Variants in MTHFD2L observed in about 807,000 individuals in gnomAD.
MTHFD2L encodes bifunctional methylenetetrahydrofolate dehydrogenase/cyclohydrolase 2, mitochondrial.
In MTHFD2L, 29 loss-of-function variants were observed where a neutral mutation model predicts 34.9. The ratio of observed to expected loss-of-function variants is 0.83; its 90% CI spans 0.62 to 1.13. MTHFD2L has a LOEUF of 1.13. MTHFD2L is among the 50% of genes most tolerant of loss of function. MTHFD2L has a pLI of 0.00. For missense variants in MTHFD2L, 481 were observed against 446.5 expected (o/e 1.08, Z -0.70); for synonymous variants, 167 against 155.7 (o/e 1.07, Z -0.54).
chr4:74,297,594 A>G (rs1191112672), intron 7 of MTHFD2L, among the ~76,000 whole-genome samples: 4 of 152,044 alleles, frequency 2.6e-5, no homozygotes, highest in Non-Finnish European at 5.9e-5. Context: ...CCTACACATA[A>G]TAGGATTAAT....
At chr4:74,247,948 G>A (rs546701971) in intron 6 of MTHFD2L, among the ~76,000 whole-genome samples, 1 of 151,858 alleles carries the variant, frequency 6.6e-6, no homozygotes, top group African/African-American at 2.4e-5. Context: ...TCTCTTTTTT[G>A]GTTGTGTCTC....
At chr4:74,158,910 TACC>T (rs1724794888) in intron 1 of MTHFD2L, among the ~76,000 whole-genome samples, 1 of 152,164 alleles carries the variant, frequency 6.6e-6, no homozygotes, top group Non-Finnish European at 1.5e-5. Context: ...TCTTATGCTT[TACC>T]AGTCTTAGTT....
chr4:74,211,440 A>G lies in MTHFD2L; in HGVS notation c.712+10070A>G, dbSNP rs192419293. 9.8e-5 allele frequency among the ~76,000 whole-genome samples: 15 copies of G among 152,314 alleles called. No individual in the cohort carries two copies. The East Asian group carries it at 2.7e-3, about 27-fold the overall frequency. On this transcript the variant is annotated intron_variant, in intron 5 of 7. Transcript: ENST00000325278. ...GGCCTTTTCCGCATCTATTGAGATA[A>G]TCATGTGGTTTTTGTCTTTGGTTCT...
Position 74,249,606 on chromosome 4 carries a change from C to T in MTHFD2L, c.805+24212C>T, listed in dbSNP as rs181225875. Reference sequence around the variant, plus strand: ...GTCTTTACATTTTGGCATGATTTTGCAGCAGTTGGTACCTGTTGTGCCTTT... The same window carrying T: ...GTCTTTACATTTTGGCATGATTTTGTAGCAGTTGGTACCTGTTGTGCCTTT... On this transcript the variant is annotated intron_variant, in intron 6 of 7. Transcript: ENST00000325278. Among the ~76,000 whole-genome samples the T allele has an allele frequency of 1.7e-4, 26 of 152,252 alleles. No individual in the cohort carries two copies. In the East Asian group the frequency reaches 4.8e-3, roughly 28 times the overall value.
rs576030806 is a variant in MTHFD2L at position 74,296,161 on chromosome 4, G to C, written c.932-5536G>C. On this transcript the variant is annotated intron_variant, in intron 7 of 7. Transcript: ENST00000325278. ...CAGTGACTAATTGAATATAGGGCTAGAACATGATGCAAAATAAAGATGTTG... is the reference window on the plus strand; with the variant it reads ...CAGTGACTAATTGAATATAGGGCTACAACATGATGCAAAATAAAGATGTTG... Among the ~76,000 whole-genome samples, 58 of 152,230 alleles carry C rather than the reference G, an allele frequency of 3.8e-4. 2 individuals carry two copies. The South Asian group carries it at 0.011, about 29-fold the overall frequency.
intron 1 of MTHFD2L, among the ~76,000 whole-genome samples, chr4:74,151,289 G>GA (rs1405292964): frequency 6.6e-6 from 1 of 152,002 alleles, no homozygotes; most frequent in African/African-American, 2.4e-5. Flanking sequence ...CCATTCATTG[G>GA]AAAATTAAAA....
At chr4:74,148,093 T>C (rs1208255172) in intron 1 of MTHFD2L, among the ~76,000 whole-genome samples, 2 of 152,136 alleles carry the variant, frequency 1.3e-5, no homozygotes, top group African/African-American at 4.8e-5. Context: ...GATATCCAGT[T>C]TTCCTAACAC....
At chr4:74,213,799 G>A (rs1220857118) in intron 5 of MTHFD2L, among the ~76,000 whole-genome samples, 1 of 152,150 alleles carries the variant, frequency 6.6e-6, no homozygotes, top group East Asian at 1.9e-4. Flanking sequence ...CCTGAAGAGT[G>A]TTTTCCAACT....
intron 6 of MTHFD2L, among the ~76,000 whole-genome samples, chr4:74,261,305 G>A (rs188964759): frequency 8.0e-4 from 122 of 151,840 alleles, no homozygotes; most frequent in Non-Finnish European, 1.5e-3. Context: ...CAATAACAAC[G>A]TAAATGTAGG....
At chr4:74,262,912 G>T (rs1744851617) in intron 6 of MTHFD2L, among the ~76,000 whole-genome samples, 1 of 151,866 alleles carries the variant, frequency 6.6e-6, no homozygotes, top group Non-Finnish European at 1.5e-5. Flanking sequence ...TCAGAAATCT[G>T]TATTACAGCT....
chr4:74,218,950 T>A (rs1737677634), intron 5 of MTHFD2L, among the ~76,000 whole-genome samples: 1 of 151,910 alleles, frequency 6.6e-6, no homozygotes, highest in South Asian at 2.1e-4. Flanking sequence ...CTATCTATGA[T>A]TAAAAATATT....
chr4:74,281,318 C>T (rs2110277333), intron 6 of MTHFD2L, 107 bp from the exon 7 acceptor site: 4 of 763,100 alleles, frequency 5.2e-6, no homozygotes, highest in Middle Eastern at 4.0e-4. Context: ...CAATGTATTA[C>T]ACATACGTGT....
intron 5 of MTHFD2L, among the ~76,000 whole-genome samples, chr4:74,211,815 G>GT (rs1163579080): frequency 1.3e-3 from 193 of 146,010 alleles, no homozygotes; most frequent in African/African-American, 2.3e-3. Context: ...ATCTGGTCCT[G>GT]TTTTTTTTTT....
chr4:74,246,008 G>A (rs1742385483), intron 6 of MTHFD2L, among the ~76,000 whole-genome samples: 2 of 147,182 alleles, frequency 1.4e-5, no homozygotes, highest in African/African-American at 5.2e-5. Flanking sequence ...TGGGATGGCT[G>A]GGTCAAATGG....
chr4:74,271,078 G>C (rs950778566), intron 6 of MTHFD2L, among the ~76,000 whole-genome samples: 1 of 152,142 alleles, frequency 6.6e-6, no homozygotes, highest in Non-Finnish European at 1.5e-5. Context: ...TTAGCCCTTT[G>C]TCAGATGAGT....
chr4:74,120,652 G>A (rs1384641936), upstream of MTHFD2L, among the ~76,000 whole-genome samples: 4 of 152,140 alleles, frequency 2.6e-5, no homozygotes, highest in Non-Finnish European at 5.9e-5. Flanking sequence ...TGTTTTGCAA[G>A]GTGTGATTAA....
chr4:74,260,164 C>T (rs1229386809), intron 6 of MTHFD2L, among the ~76,000 whole-genome samples: 1 of 152,144 alleles, frequency 6.6e-6, no homozygotes, highest in Non-Finnish European at 1.5e-5. Flanking sequence ...AGCTAGCATC[C>T]CACAGGTCTG....
At chr4:74,163,050 GT>G (rs1484066704) in intron 1 of MTHFD2L, among the ~76,000 whole-genome samples, 23 of 144,202 alleles carry the variant, frequency 1.6e-4, no homozygotes, top group African/African-American at 5.9e-4. Flanking sequence ...TGGATTGGAG[GT>G]TACTAACTTC....
chr4:74,158,561 A>G (rs976023193), intron 1 of MTHFD2L, among the ~76,000 whole-genome samples: 1 of 152,184 alleles, frequency 6.6e-6, no homozygotes, highest in African/African-American at 2.4e-5. Flanking sequence ...CATTTGAGGC[A>G]CTAAGAAAAG....
Sources: allele counts gnomAD v4.1 joint callset (sites outside exome capture counted in the v4.1 genomes callset), GRCh38; gene constraint gnomAD v4.1.1; transcripts MANE v1.5; gene names NCBI Gene and HGNC (gene_info 2026-07-23, HGNC 2026-07-21).